The following CCSER1 variants were observed in gnomAD, a reference collection of about 807,000 sequenced individuals.
CCSER1 encodes serine-rich coiled-coil domain-containing protein 1.
In CCSER1, 41 loss-of-function variants were observed where a neutral mutation model predicts 82.0. The observed-to-expected ratio is 0.50, with a 90% CI of 0.39 to 0.65. The LOEUF (loss-of-function observed/expected upper bound fraction) is 0.65, where lower values mean the gene tolerates loss of function less well. Among genes scored for constraint, CCSER1 ranks in the 30% least tolerant of loss-of-function variants. The pLI is 0.00. For synonymous variants in CCSER1, 414 were observed against 383.9 expected, an observed-to-expected ratio of 1.08 and a Z score of -0.92; for missense variants, 1,119 against 1,064.2, an observed-to-expected ratio of 1.05 and a Z score of -0.72.
Position 90,183,639 on chromosome 4 carries a change from T to C in CCSER1, c.-42+55808T>C, listed in dbSNP as rs535583108. On this transcript the variant is annotated intron_variant, in intron 1 of 10. Coordinates refer to ENST00000509176, the MANE Select transcript of CCSER1 (RefSeq NM_001145065.2). ...TGTTATAATAACTCTGAAAAGGTAC[T>C]CACTCAGCTATAGTCTGACTTGAGC... Among the ~76,000 whole-genome samples the C allele has an allele frequency of 1.1e-4, 17 of 152,272 alleles. No homozygotes were observed. The East Asian group carries it at 3.3e-3, about 29-fold the overall frequency.
chr4:91,560,995 G>A (rs925180060), intron 10 of CCSER1, among the ~76,000 whole-genome samples: 1 of 151,332 alleles, frequency 6.6e-6, no homozygotes, highest in Admixed American at 6.6e-5. Context: ...AAACCTGAAA[G>A]TAAAACTATA....
In CCSER1 at chr4:90,441,708, T is replaced by C. The variant is rs1455539030; in HGVS notation, c.1604-26526T>C. 4.6e-5 allele frequency among the ~76,000 whole-genome samples: 7 copies of C among 152,230 alleles called. 1 individual carries two copies. Among genetic ancestry groups the C allele is most frequent in the Non-Finnish European group, 1.0e-4 (7 of 68,044 alleles). ...TGACTTATAGTGTGAATGTATTGCA[T>C]GTAAGAGACAAACGTGGGAGGGTCC... On this transcript the variant is annotated intron_variant, in intron 4 of 10. Coordinates refer to ENST00000509176, the MANE Select transcript of CCSER1 (RefSeq NM_001145065.2).
intron 1 of CCSER1, among the ~76,000 whole-genome samples, chr4:90,285,376 G>T (rs1246673439): frequency 6.6e-6 from 1 of 151,460 alleles, no homozygotes; most frequent in Admixed American, 6.6e-5. Flanking sequence ...AAGTTTACTT[G>T]TAGGTATTTA....
At chr4:91,522,813 C>A (rs551131855) in intron 10 of CCSER1, among the ~76,000 whole-genome samples, 1 of 152,306 alleles carries the variant, frequency 6.6e-6, no homozygotes, top group African/African-American at 2.4e-5. Context: ...ATCATGTCAT[C>A]TGCAAACAGG....
intron 8 of CCSER1, among the ~76,000 whole-genome samples, chr4:90,880,982 C>A (rs1335518457): frequency 6.6e-6 from 1 of 151,604 alleles, no homozygotes; most frequent in African/African-American, 2.4e-5. Context: ...CCTTTTGCCC[C>A]TCTCCGAGAG....
chr4:90,839,527 C>G (rs758366913), intron 8 of CCSER1, among the ~76,000 whole-genome samples: 3 of 152,182 alleles, frequency 2.0e-5, no homozygotes, highest in Non-Finnish European at 4.4e-5. Flanking sequence ...CAAGACCCAA[C>G]AGTGGAACTA....
intron 4 of CCSER1, among the ~76,000 whole-genome samples, chr4:90,436,033 A>C (rs1448392670): frequency 6.6e-6 from 1 of 152,142 alleles, no homozygotes; most frequent in Non-Finnish European, 1.5e-5. Flanking sequence ...AAATGCAAAA[A>C]TGTTAATATT....
intron 5 of CCSER1, among the ~76,000 whole-genome samples, chr4:90,619,166 C>G (rs1429965849): frequency 6.6e-6 from 1 of 151,892 alleles, no homozygotes; most frequent in African/African-American, 2.4e-5. Context: ...AACTGAACTT[C>G]TAGCAAATTT....
chr4:91,172,962 T>C (rs1732923444), intron 10 of CCSER1, among the ~76,000 whole-genome samples: 2 of 152,198 alleles, frequency 1.3e-5, no homozygotes, highest in Non-Finnish European at 2.9e-5. Context: ...CAGAATGCAC[T>C]TTGCATGTCA....
At chr4:90,744,160 A>C (rs1200653098) in intron 7 of CCSER1, among the ~76,000 whole-genome samples, 1 of 152,206 alleles carries the variant, frequency 6.6e-6, no homozygotes, top group African/African-American at 2.4e-5. Flanking sequence ...AAAAGTGCAA[A>C]GTATTGGGAG....
chr4:90,328,613 C>T (rs1332374761), intron 3 of CCSER1, among the ~76,000 whole-genome samples: 1 of 152,162 alleles, frequency 6.6e-6, no homozygotes, highest in Admixed American at 6.5e-5. Context: ...AAGGCAGTGG[C>T]AAAAGTTGCG....
At chr4:91,217,305 G>C (rs910515909) in intron 10 of CCSER1, among the ~76,000 whole-genome samples, 2 of 152,196 alleles carry the variant, frequency 1.3e-5, no homozygotes, top group South Asian at 4.1e-4. Context: ...CCTGCTGATT[G>C]GTAGAGCCCA....
intron 1 of CCSER1, among the ~76,000 whole-genome samples, chr4:90,257,959 A>G (rs1185309201): frequency 6.6e-6 from 1 of 152,118 alleles, no homozygotes; most frequent in Non-Finnish European, 1.5e-5. Context: ...ATCTTCATAG[A>G]CTCACAGACA....
intron 10 of CCSER1, among the ~76,000 whole-genome samples, chr4:91,184,996 C>T (rs1734389925): frequency 6.6e-6 from 1 of 152,202 alleles, no homozygotes; most frequent in African/African-American, 2.4e-5. Flanking sequence ...CTTTGATATA[C>T]TTCAGGGCCT....
intron 10 of CCSER1, among the ~76,000 whole-genome samples, chr4:91,461,678 T>G (rs1756509029): frequency 6.6e-6 from 1 of 152,184 alleles, no homozygotes; most frequent in Non-Finnish European, 1.5e-5. Context: ...AGCATACCTA[T>G]TGGATTGATT....
chr4:91,360,658 A>G (rs1560611607), intron 10 of CCSER1, among the ~76,000 whole-genome samples: 1 of 151,830 alleles, frequency 6.6e-6, no homozygotes, highest in Non-Finnish European at 1.5e-5. Flanking sequence ...CAAGACAGCC[A>G]TAACCACAGT....
intron 9 of CCSER1, among the ~76,000 whole-genome samples, chr4:91,008,819 G>A (rs1738744512): frequency 6.6e-6 from 1 of 152,220 alleles, no homozygotes; most frequent in Admixed American, 6.5e-5. Flanking sequence ...TTCCAAGATG[G>A]TGGCAAGCCT....
chr4:90,978,889 T>C (rs1328457714), intron 9 of CCSER1, among the ~76,000 whole-genome samples: 2 of 151,750 alleles, frequency 1.3e-5, no homozygotes, highest in African/African-American at 4.8e-5. Context: ...CAGTTTCCCA[T>C]TTTGGAGATA....
intron 10 of CCSER1, among the ~76,000 whole-genome samples, chr4:91,523,983 T>G (rs1338450140): frequency 6.6e-6 from 1 of 152,216 alleles, no homozygotes; most frequent in Non-Finnish European, 1.5e-5. Flanking sequence ...ACTGCCATAT[T>G]GAACAACAAC....
Sources: gnomAD v4.1 joint callset for allele counts (sites outside exome capture counted in the v4.1 genomes callset) on GRCh38, gnomAD v4.1.1 for gene constraint, MANE v1.5 for transcripts, NCBI Gene and HGNC (gene_info 2026-07-23, HGNC 2026-07-21) for gene names.